Variants in MYOM3 observed in about 807,000 individuals in gnomAD.
MYOM3 encodes the protein myomesin-3.
In MYOM3, 155 loss-of-function variants were observed where a neutral mutation model predicts 191.7. That is an observed-to-expected ratio of 0.81 (90% CI 0.71 to 0.92). MYOM3 has a LOEUF of 0.92. Among genes scored for constraint, MYOM3 ranks in the 40% least tolerant of loss-of-function variants. The pLI is 0.00. For missense variants in MYOM3, 1,889 were observed against 1,890.6 expected, an observed-to-expected ratio of 1.00 and a Z score of 0.02; for synonymous variants, 757 against 762.9, an observed-to-expected ratio of 0.99 and a Z score of 0.13.
chr1:24,089,552 AC>A lies in MYOM3; in HGVS notation c.1599del (p.Tyr534ThrfsTer8), dbSNP rs1213717826. ...GGGTTCCCTACCTTCTCCAGGGAGT[AC>A]GTCAGTGGTGCTCTGTCCCGGGGGC... The part of the protein sequence containing the change: ...EPSPRDRAPL[T>X]YSLEKSVIGS... On this transcript the variant is annotated frameshift_variant, in exon 14 of 37. Coordinates refer to ENST00000374434, the MANE Select transcript of MYOM3 (RefSeq NM_152372.4). LOFTEE classifies it high-confidence loss of function. The A allele has an allele frequency of 1.9e-6, 3 of 1,600,994 alleles. No homozygotes were observed. The highest frequency in any genetic ancestry group is 2.6e-6 in the Non-Finnish European group (3 of 1,174,376).
chr1:24,106,095 T>G lies in MYOM3; in HGVS notation c.403-18A>C, dbSNP rs942363106. ...TCCTCTGTCTGGAGGCGGGAAGAGG[T>G]GTATGACGCTGTGAGCCAGGGACCA... On this transcript the variant is annotated intron_variant, in intron 4 of 36. Coordinates refer to ENST00000374434, the MANE Select transcript of MYOM3 (RefSeq NM_152372.4). 6.3e-7 allele frequency: 1 copy of G among 1,584,932 alleles called. No individual in the cohort carries two copies. The highest frequency in any genetic ancestry group is 8.6e-7 in the Non-Finnish European group (1 of 1,166,352).
intron 25 of MYOM3, among the ~76,000 whole-genome samples, chr1:24,069,656 C>T (rs1040656312): frequency 6.8e-6 from 1 of 146,472 alleles, no homozygotes; most frequent in African/African-American, 2.5e-5. Context: ...ATTGCCCAGG[C>T]TGGAGTACAG....
intron 15 of MYOM3, 88 bp downstream of exon 15, chr1:24,086,556 G>C: frequency 7.4e-7 from 1 of 1,345,716 alleles, no homozygotes; most frequent in Middle Eastern, 2.1e-4. Flanking sequence ...CGGGGACAGG[G>C]AAGTGGGCAG....
Position 24,065,721 on chromosome 1 carries a change from T to A in MYOM3, c.3534+170A>T, listed in dbSNP as rs894002121. 8.9e-6 allele frequency: 6 copies of A among 673,108 alleles called. No homozygotes were observed. The African/African-American group carries it at 9.0e-5, about 10-fold the overall frequency. The allele number at this position is 673,108 out of a possible 1,614,324, so 41.7% of individuals were successfully genotyped here. On this transcript the variant is annotated intron_variant, in intron 29 of 36. Transcript: ENST00000374434. The stretch of plus-strand genomic sequence containing the variant: ...ATTTTTTAGAATATTGCATACAATA[T>A]TATTTATCTTGATTACTGAGTTTTT...
At chr1:24,103,243 G>T (rs549972534) in intron 5 of MYOM3, among the ~76,000 whole-genome samples, 2 of 152,236 alleles carry the variant, frequency 1.3e-5, no homozygotes, top group African/African-American at 4.8e-5. Flanking sequence ...CCTGGCCAGC[G>T]CTGGGAGCAG....
chr1:24,086,954 C>G (rs1259416390), intron 14 of MYOM3, 127 bp from the exon 15 acceptor site: 3 of 971,254 alleles, frequency 3.1e-6, no homozygotes, highest in East Asian at 2.5e-5. Flanking sequence ...CCCAGGCTGC[C>G]CCTGAGCATG....
At chr1:24,069,127 A>G (rs551459448) in intron 25 of MYOM3, among the ~76,000 whole-genome samples, 11 of 152,266 alleles carry the variant, frequency 7.2e-5, no homozygotes, top group African/African-American at 2.2e-4. Context: ...ATTAACACTC[A>G]TTTACATTTT....
rs150164065 is a variant in MYOM3 at position 24,091,010 on chromosome 1, GC to G, written c.1233-15del. The G allele has an allele frequency of 8.0e-3, 12,830 of 1,613,058 alleles. 935 individuals are homozygous for G. In the African/African-American group the frequency reaches 0.15, roughly 19 times the overall value. The stretch of plus-strand genomic sequence containing the variant: ...TCGCCCTGGCACCTGTTGGAGACAG[GC>G]CCCCCCTTTCAGCCCCTGCCCACAA... On this transcript the variant is annotated splice_polypyrimidine_tract_variant and intron_variant, in intron 11 of 36. Coordinates refer to ENST00000374434, the MANE Select transcript of MYOM3 (RefSeq NM_152372.4).
At chr1:24,086,506 G>T in intron 15 of MYOM3, 138 bp downstream of exon 15, 1 of 843,654 alleles carries the variant, frequency 1.2e-6, no homozygotes, top group Non-Finnish European at 1.8e-6. Flanking sequence ...CCAGGCCTGA[G>T]ATCAAATTGC....
At chr1:24,110,976 G>A (rs912048313) in intron 1 of MYOM3, among the ~76,000 whole-genome samples, 6 of 152,222 alleles carry the variant, frequency 3.9e-5, no homozygotes, top group African/African-American at 1.4e-4. Flanking sequence ...TGGATGCTCT[G>A]TTCCCGATTA....
chr1:24,102,869 G>A (rs1026619945), intron 5 of MYOM3, among the ~76,000 whole-genome samples: 8 of 152,186 alleles, frequency 5.3e-5, no homozygotes, highest in African/African-American at 1.9e-4. Context: ...GATAATCATT[G>A]AATGAATAGA....
Position 24,107,101 on chromosome 1 carries a change from C to A in MYOM3, c.374G>T (p.Arg125Met), listed in dbSNP as rs770020726. ...FLQTHRLLRQRRDWKTLRRRT... is the reference protein window; with the variant it reads ...FLQTHRLLRQMRDWKTLRRRT... ...CCGCCTCAGCGTCTTCCAGTCCCGC[C>A]TCTGGCGCAGCAGCCGGTGGGTCTG... Residue 125 changes from arginine (R) to methionine (M), a missense_variant, in exon 4 of 37, where the codon AGG (arginine) becomes ATG (methionine). Arg to Met is a moderately conservative substitution (Grantham distance 91). Transcript: ENST00000374434. 8 of 1,611,708 alleles carry A rather than the reference C, an allele frequency of 5.0e-6. No individual in the cohort carries two copies. The highest frequency in any genetic ancestry group is 1.7e-5 in the Admixed American group (1 of 59,834).
At chr1:24,066,243 C>CA in intron 28 of MYOM3, 1 of 716,176 alleles carries the variant, frequency 1.4e-6, no homozygotes, top group Non-Finnish European at 2.6e-6. Context: ...TCCAGGAAGC[C>CA]TTTTTTTTGA....
At chr1:24,090,714 G>A in intron 12 of MYOM3, 83 bp downstream of exon 12, 1 of 1,407,110 alleles carries the variant, frequency 7.1e-7, no homozygotes, top group Non-Finnish European at 9.9e-7. Flanking sequence ...GGCTCCTGAG[G>A]GCTGGATTGT....
intron 5 of MYOM3, among the ~76,000 whole-genome samples, chr1:24,103,496 AAAAG>A (rs760465600): frequency 6.6e-6 from 1 of 152,196 alleles, no homozygotes; most frequent in Non-Finnish European, 1.5e-5. Context: ...AACAGGAATT[AAAAG>A]AAAGTAAAGA....
At position 24,076,244 on chromosome 1, in the gene MYOM3, G is replaced by T. The variant is rs768771585; in HGVS notation, c.2616C>A (p.Tyr872Ter). 6.2e-7 allele frequency: 1 copy of T among 1,614,014 alleles called. No homozygotes were observed. Among genetic ancestry groups the T allele is most frequent in the Non-Finnish European group, 8.5e-7 (1 of 1,179,972 alleles). Residue 872 changes from tyrosine (Y) to a stop codon, truncating the protein, a stop_gained, in exon 21 of 37, where the codon TAC becomes TAA. Transcript: ENST00000374434. LOFTEE classifies it high-confidence loss of function. ...RVSDLQPGKS[Y>*]VFQVQAMNSA... ...AATTCATGGCCTGTACCTGGAACAC[G>T]TAACTCTTTCCTGGCTGCAAGTCGG...
At chr1:24,081,928 A>C (rs972010485) in intron 18 of MYOM3, 73 bp downstream of exon 18, 1 of 1,433,094 alleles carries the variant, frequency 7.0e-7, no homozygotes, top group African/African-American at 1.4e-5. Flanking sequence ...GTCAGACTCC[A>C]AGACTCAAGC....
rs916136463 is a variant in MYOM3, at chr1:24,111,666, T to C, written c.-19+365A>G. ...CAGCTCCGCTCTAAGTTCGTGGAAC[T>C]TGCCAGCTTAGCCTGGCTCCCGCTT... On this transcript the variant is annotated intron_variant, in intron 1 of 36. Coordinates refer to ENST00000374434, the MANE Select transcript of MYOM3 (RefSeq NM_152372.4). The surrounding 1 kb of genome is among the most constrained non-coding windows in gnomAD (Gnocchi z 4.7). 1.3e-5 allele frequency among the ~76,000 whole-genome samples: 2 copies of C among 152,126 alleles called. No homozygotes were observed. The highest frequency in any genetic ancestry group is 2.9e-5 in the Non-Finnish European group (2 of 68,034).
At position 24,062,071 on chromosome 1, in the gene MYOM3, C is replaced by T. The variant is rs1643376491; in HGVS notation, c.3809G>A (p.Gly1270Asp). ...RLESGDRIRT[G>D]TTLDEIWLHI... ...AAGCCAGATCTCATCCAGGGTGGTGCCCGTCCTTATCCGATCACCACTCTC... is the reference window on the plus strand; with the variant it reads ...AAGCCAGATCTCATCCAGGGTGGTGTCCGTCCTTATCCGATCACCACTCTC... The change falls in exon 33 of 37, where the codon GGC (glycine) becomes GAC (aspartate). Residue 1270 changes from glycine to aspartate, a missense_variant. Coordinates refer to ENST00000374434, the MANE Select transcript of MYOM3 (RefSeq NM_152372.4). 2 of 1,614,120 alleles carry T rather than the reference C, an allele frequency of 1.2e-6. No individual in the cohort carries two copies. Among genetic ancestry groups the T allele is most frequent in the Non-Finnish European group, 8.5e-7 (1 of 1,180,034 alleles).
Sources: gnomAD v4.1 joint callset for allele counts (sites outside exome capture counted in the v4.1 genomes callset) on GRCh38, gnomAD v4.1.1 for gene constraint, Gnocchi (gnomAD v3.1) non-coding constraint, MANE v1.5 for transcripts, NCBI Gene and HGNC (gene_info 2026-07-23, HGNC 2026-07-21) for gene names.